The following GABRA6 variants were observed in gnomAD, a reference collection of about 807,000 sequenced individuals.
GABRA6 encodes the protein gamma-aminobutyric acid receptor subunit alpha-6.
A neutral mutation model predicts 47.3 loss-of-function variants in GABRA6; 45 were observed. The observed-to-expected ratio is 0.95, with a 90% CI of 0.75 to 1.22. The LOEUF (loss-of-function observed/expected upper bound fraction) is 1.22. Ranked by LOEUF, GABRA6 falls within the 50% of genes most tolerant of loss-of-function variation. The pLI, the probability that GABRA6 is intolerant of heterozygous loss-of-function variation, is 0.00. For synonymous variants in GABRA6, 219 were observed against 194.7 expected, an observed-to-expected ratio of 1.12 and a Z score of -1.04; for missense variants, 583 against 549.3, an observed-to-expected ratio of 1.06 and a Z score of -0.61.
rs1754689755 is a variant in GABRA6, at chr5:161,686,297, C to T, written c.106C>T (p.Leu36=). ...NFYSENVSRI[L]DNLLEGYDNR... ...CTACTCAGAAAACGTCAGTCGGATC[C>T]TGGACAACTTGCTTGAAGGCTATGA... Residue 36 remains leucine (L), a synonymous_variant, in exon 2 of 9, where the codon CTG becomes TTG. Transcript: ENST00000274545. The T allele has an allele frequency of 1.2e-6, 2 of 1,614,068 alleles. No homozygotes were observed. Among genetic ancestry groups the T allele is most frequent in the Middle Eastern group, 1.7e-4 (1 of 6,060 alleles).
rs770425483 is a variant in GABRA6 at position 161,686,982 on chromosome 5, G to C, written c.204G>C (p.Gly68=). 1 of 1,613,926 alleles carries C rather than the reference G, an allele frequency of 6.2e-7. No individual in the cohort carries two copies. The highest frequency in any genetic ancestry group is 8.5e-7 in the Non-Finnish European group (1 of 1,179,868). ...CAGACATTTATGTGACCAGTTTTGG[G>C]CCCGTGTCAGATGTGGAGATGGTGA... ...VKTDIYVTSF[G]PVSDVEMEYT... The change falls in exon 3 of 9, where the codon GGG becomes GGC. Residue 68 remains glycine (G), a synonymous_variant. Transcript: ENST00000274545.
At chr5:161,690,009 GA>G (rs1754765213) in intron 6 of GABRA6, 191 bp from the exon 7 acceptor site, 1 of 674,354 alleles carries the variant, frequency 1.5e-6, no homozygotes, top group Admixed American at 2.6e-5. Flanking sequence ...GAACCCTACT[GA>G]AAACAATAAG....
At position 161,692,003 on chromosome 5, in the gene GABRA6, G is replaced by C. The variant is rs772285328; in HGVS notation, c.889G>C (p.Val297Leu). Residue 297 changes from valine to leucine, a missense_variant, in exon 8 of 9, where the codon GTG (valine) becomes CTG (leucine). Val to Leu is a conservative substitution (Grantham distance 32). Coordinates refer to ENST00000274545, the MANE Select transcript of GABRA6 (RefSeq NM_000811.3). ...CAGTGCCCGGCACTCTTTGCCAAAAGTGTCATATGCCACTGCCATGGATTG... is the reference window on the plus strand; with the variant it reads ...CAGTGCCCGGCACTCTTTGCCAAAACTGTCATATGCCACTGCCATGGATTG... ...SISARHSLPK[V>L]SYATAMDWFI... 1.2e-6 allele frequency: 2 copies of C among 1,614,076 alleles called. No individual in the cohort carries two copies.
At chr5:161,691,318 C>CG (rs1310874856) in intron 7 of GABRA6, among the ~76,000 whole-genome samples, 1 of 92,870 alleles carries the variant, frequency 1.1e-5, no homozygotes, top group African/African-American at 4.3e-5. Context: ...TTTTTTGAGA[C>CG]GGAGTGTCCG....
intron 6 of GABRA6, chr5:161,689,989 A>C (rs574652664): frequency 1.5e-6 from 1 of 668,498 alleles, no homozygotes; most frequent in East Asian, 2.7e-5. Flanking sequence ...TTTTATGTAT[A>C]TGATATAAAG....
chr5:161,697,020 T>TTA (rs1754898252), intron 8 of GABRA6, among the ~76,000 whole-genome samples: 2 of 152,168 alleles, frequency 1.3e-5, no homozygotes, highest in South Asian at 4.1e-4. Flanking sequence ...TCTAAATACT[T>TTA]CCTAAACATC....
Position 161,688,959 on chromosome 5 carries a change from T to C in GABRA6, c.236T>C (p.Met79Thr), listed in dbSNP as rs201577456. ...TTTATTTTCTCTTAGGAGTATACGATGGATGTTTTTTTCCGCCAGACCTGG... is the reference window on the plus strand; with the variant it reads ...TTTATTTTCTCTTAGGAGTATACGACGGATGTTTTTTTCCGCCAGACCTGG... ...PVSDVEMEYTMDVFFRQTWTD... is the reference protein window; with the variant it reads ...PVSDVEMEYTTDVFFRQTWTD... The change falls in exon 4 of 9, where the codon ATG becomes ACG. Residue 79 changes from methionine (M) to threonine (T), a missense_variant. Physicochemically the swap from Met to Thr is moderately conservative, Grantham distance 81. Coordinates refer to ENST00000274545, the MANE Select transcript of GABRA6 (RefSeq NM_000811.3). 9 of 1,613,268 alleles carry C rather than the reference T, an allele frequency of 5.6e-6. No homozygotes were observed. Among genetic ancestry groups the C allele is most frequent in the Non-Finnish European group, 7.6e-6 (9 of 1,179,362 alleles).
intron 8 of GABRA6, among the ~76,000 whole-genome samples, chr5:161,699,065 G>A (rs540378672): frequency 1.3e-5 from 2 of 152,176 alleles, no homozygotes; most frequent in South Asian, 2.1e-4. Context: ...TCTAAAAAAC[G>A]GGGAGAATAA....
intron 1 of GABRA6, 88 bp from the exon 2 acceptor site, chr5:161,686,142 T>C: frequency 7.3e-7 from 1 of 1,366,000 alleles, no homozygotes; most frequent in South Asian, 1.2e-5. Context: ...TGGTGTTGCA[T>C]GTATTTGTAA....
Position 161,690,272 on chromosome 5 carries a change from A to G in GABRA6, c.745A>G (p.Thr249Ala). 6.2e-7 allele frequency: 1 copy of G among 1,613,136 alleles called. No individual in the cohort carries two copies. The highest frequency in any genetic ancestry group is 8.5e-7 in the Non-Finnish European group (1 of 1,179,348). The change falls in exon 7 of 9, where the codon ACT becomes GCT. Residue 249 changes from threonine (T) to alanine (A), a missense_variant. Physicochemically the swap from Thr to Ala is moderately conservative, Grantham distance 58. Transcript: ENST00000274545. ...KMGYFMIQIYTPCIMTVILSQ... is the reference protein window; with the variant it reads ...KMGYFMIQIYAPCIMTVILSQ... ...GGGCTACTTCATGATACAGATATAC[A>G]CTCCTTGCATTATGACAGTCATTCT... is the stretch of plus-strand genomic sequence containing the variant.
At chr5:161,689,446 G>A in intron 5 of GABRA6, 110 bp downstream of exon 5, 1 of 1,084,382 alleles carries the variant, frequency 9.2e-7, no homozygotes, top group Non-Finnish European at 1.4e-6. Flanking sequence ...GACACTATCA[G>A]TGTGATTCTA....
chr5:161,696,899 G>T (rs569795518), intron 8 of GABRA6, among the ~76,000 whole-genome samples: 14 of 152,234 alleles, frequency 9.2e-5, no homozygotes, highest in Middle Eastern at 3.4e-3. Flanking sequence ...ACAAATGCTT[G>T]GTTGATCCCT....
Position 161,686,333 on chromosome 5 carries a change from C to T in GABRA6, c.142C>T (p.Arg48Trp), listed in dbSNP as rs1376700482. ...GCTTGAAGGCTATGACAATCGGCTGCGGCCGGGATTTGGAGGTAAGAAGCT... is the reference window on the plus strand; with the variant it reads ...GCTTGAAGGCTATGACAATCGGCTGTGGCCGGGATTTGGAGGTAAGAAGCT... ...NLLEGYDNRL[R>W]PGFGGAVTEV... Residue 48 changes from arginine (R) to tryptophan (W), a missense_variant, in exon 2 of 9, where the codon CGG becomes TGG. Arg to Trp is a moderately radical substitution (Grantham distance 101, BLOSUM62 -3). Coordinates refer to ENST00000274545, the MANE Select transcript of GABRA6 (RefSeq NM_000811.3). The T allele has an allele frequency of 1.7e-5, 27 of 1,613,122 alleles. No homozygotes were observed. The highest frequency in any genetic ancestry group is 8.9e-5 in the East Asian group (4 of 44,878).
chr5:161,686,053 T>C, intron 1 of GABRA6, 26 bp downstream of exon 1: 1 of 1,610,024 alleles, frequency 6.2e-7, no homozygotes, highest in South Asian at 1.1e-5. Context: ...TTTCCTGATT[T>C]TTCTTTTTAT....
chr5:161,689,059 G>A lies in GABRA6; in HGVS notation c.336G>A (p.Trp112Ter), dbSNP rs747900606. The change falls in exon 4 of 9, where the codon TGG (tryptophan) becomes TGA (stop). Residue 112 changes from tryptophan (W) to a stop codon, truncating the protein, a stop_gained. Transcript: ENST00000274545. LOFTEE classifies it high-confidence loss of function. ...SLNNLMVSKI[W>*]TPDTFFRNGK... The stretch of plus-strand genomic sequence containing the variant: ...ATAATTTGATGGTCAGTAAAATCTG[G>A]ACGCCTGACACCTTTTTCAGAAATG... The A allele has an allele frequency of 6.2e-7, 1 of 1,614,008 alleles. No individual in the cohort carries two copies. Among genetic ancestry groups the A allele is most frequent in the East Asian group, 2.2e-5 (1 of 44,868 alleles).
intron 8 of GABRA6, among the ~76,000 whole-genome samples, chr5:161,694,148 T>G (rs984830661): frequency 2.0e-5 from 3 of 152,066 alleles, no homozygotes; most frequent in African/African-American, 2.4e-5. Context: ...TTCATATTAG[T>G]AGAAATAAGT....
intron 8 of GABRA6, among the ~76,000 whole-genome samples, chr5:161,694,476 C>T (rs1471547810): frequency 4.6e-5 from 7 of 151,754 alleles, no homozygotes; most frequent in East Asian, 1.9e-4. Context: ...ACGTAATCAC[C>T]CCCTCAGGCT....
chr5:161,690,238 A>G lies in GABRA6; in HGVS notation c.711A>G (p.Gln237=). 6.2e-7 allele frequency: 1 copy of G among 1,613,750 alleles called. No individual in the cohort carries two copies. The highest frequency in any genetic ancestry group is 8.5e-7 in the Non-Finnish European group (1 of 1,179,724). The change falls in exon 7 of 9, where the codon CAA becomes CAG. Residue 237 remains glutamine (Q), a synonymous_variant. Coordinates refer to ENST00000274545, the MANE Select transcript of GABRA6 (RefSeq NM_000811.3). ...YVIMTVYFHL[Q]RKMGYFMIQI... Reference sequence around the variant, plus strand: ...TAATGACAGTTTACTTCCACTTGCAAAGGAAGATGGGCTACTTCATGATAC... The same window carrying G: ...TAATGACAGTTTACTTCCACTTGCAGAGGAAGATGGGCTACTTCATGATAC...
At chr5:161,689,611 T>A (rs1211930042) in intron 5 of GABRA6, 25 bp from the exon 6 acceptor site, 13 of 1,585,644 alleles carry the variant, frequency 8.2e-6, no homozygotes, top group Non-Finnish European at 1.0e-5. Flanking sequence ...TTCACTGCTA[T>A]ATTTAATTTG....
Sources: allele counts gnomAD v4.1 joint callset (sites outside exome capture counted in the v4.1 genomes callset), GRCh38; gene constraint gnomAD v4.1.1; transcripts MANE v1.5; gene names NCBI Gene and HGNC (gene_info 2026-07-23, HGNC 2026-07-21).